The following DAPK1 variants were observed in gnomAD, a reference collection of about 807,000 sequenced individuals.
DAPK1 encodes the protein death-associated protein kinase 1.
In DAPK1, 56 loss-of-function variants were observed where a neutral mutation model predicts 144.9. The ratio of observed to expected loss-of-function variants is 0.39; its 90% CI spans 0.31 to 0.48. DAPK1 has a LOEUF of 0.48. DAPK1 is among the 20% of genes least tolerant of loss of function. The pLI is 0.95. For synonymous variants in DAPK1, 690 were observed against 749.0 expected (o/e 0.92, Z 1.29); for missense variants, 1,454 against 1,875.4 (o/e 0.78, Z 4.15).
At chr9:87,554,449 A>T (rs990675271) in intron 2 of DAPK1, 10 of 132,678 alleles carry the variant, frequency 7.5e-5, no homozygotes, top group Admixed American at 2.2e-4. Context: ...GTAATACTAA[A>T]AAAAAAAAAA....
At chr9:87,621,212 G>T (rs1449078405) in intron 3 of DAPK1, among the ~76,000 whole-genome samples, 1 of 152,170 alleles carries the variant, frequency 6.6e-6, no homozygotes, top group Non-Finnish European at 1.5e-5. Flanking sequence ...TTTGAGTGCT[G>T]GGGTAAATGG....
At chr9:87,643,504 A>G in intron 11 of DAPK1, 36 bp downstream of exon 11, 1 of 1,122,008 alleles carries the variant, frequency 8.9e-7, no homozygotes, top group Non-Finnish European at 1.3e-6. Context: ...CTCCTTTCTT[A>G]GCACTGGGTA....
At position 87,499,119 on chromosome 9, in the gene DAPK1, C is replaced by T. The variant is rs1177846603; in HGVS notation, c.42C>T (p.Asp14=). The stretch of plus-strand genomic sequence containing the variant: ...AGGAAAACGTGGATGATTACTACGA[C>T]ACCGGCGAGGAACTTGGCAGGTAAA... ...FRQENVDDYY[D]TGEELGSGQF... Residue 14 remains aspartate, a synonymous_variant, in exon 2 of 26, where the codon GAC becomes GAT. Transcript: ENST00000408954. The T allele has an allele frequency of 3.7e-6, 6 of 1,613,896 alleles. No homozygotes were observed. Among genetic ancestry groups the T allele is most frequent in the South Asian group, 1.1e-5 (1 of 91,074 alleles).
chr9:87,649,122 A>G (rs1014152584), intron 15 of DAPK1, among the ~76,000 whole-genome samples: 7 of 152,194 alleles, frequency 4.6e-5, no homozygotes, highest in African/African-American at 7.2e-5. Flanking sequence ...GAACAGCCCT[A>G]TGAGGTGGAT....
In DAPK1 at chr9:87,572,582, G is replaced by A. The variant is rs899922618; in HGVS notation, c.63-32372G>A. ...GTCCTGGTGATAGTGAGTGAGTTTT[G>A]GTGAGACCTGGTTGCTGAAAAGTGT... On this transcript the variant is annotated intron_variant, in intron 2 of 25. Transcript: ENST00000408954. Among the ~76,000 whole-genome samples, 5 of 152,068 alleles carry A rather than the reference G, an allele frequency of 3.3e-5. No individual in the cohort carries two copies. In the South Asian group the frequency reaches 6.2e-4, roughly 19 times the overall value.
At chr9:87,517,313 T>G (rs561426163) in intron 2 of DAPK1, among the ~76,000 whole-genome samples, 1 of 151,876 alleles carries the variant, frequency 6.6e-6, no homozygotes, top group Non-Finnish European at 1.5e-5. Flanking sequence ...CTCGGTGGAC[T>G]GGGTTTATAA....
At chr9:87,557,966 C>T (rs1318002917) in intron 2 of DAPK1, among the ~76,000 whole-genome samples, 1 of 152,144 alleles carries the variant, frequency 6.6e-6, no homozygotes, top group Non-Finnish European at 1.5e-5. Flanking sequence ...AAAACAAAAA[C>T]CGAATCCTTT....
chr9:87,635,696 A>G (rs1366664708), intron 3 of DAPK1, among the ~76,000 whole-genome samples: 2 of 152,172 alleles, frequency 1.3e-5, no homozygotes, highest in South Asian at 4.1e-4. Flanking sequence ...ACACATGTCT[A>G]TTACCTTTCA....
At chr9:87,640,275 A>G (rs750360507) in intron 7 of DAPK1, 23 bp from the exon 8 acceptor site, 6 of 1,607,072 alleles carry the variant, frequency 3.7e-6, no homozygotes, top group South Asian at 2.2e-5. Flanking sequence ...TTAATGTTCT[A>G]TGCCCAACTT....
chr9:87,632,904 G>GAGTATA (rs141073030), intron 3 of DAPK1: 1 of 714,498 alleles, frequency 1.4e-6, no homozygotes, highest in East Asian at 1.6e-4. Context: ...AGGAGGATGA[G>GAGTATA]TATATATATA....
chr9:87,538,767 A>T (rs974093237), intron 2 of DAPK1, among the ~76,000 whole-genome samples: 3 of 152,116 alleles, frequency 2.0e-5, no homozygotes, highest in African/African-American at 7.2e-5. Flanking sequence ...GTTACTTGTA[A>T]CTTAAAAAAT....
intron 2 of DAPK1, among the ~76,000 whole-genome samples, chr9:87,572,621 C>G (rs1376263868): frequency 7.2e-5 from 11 of 152,070 alleles, no homozygotes; most frequent in Non-Finnish European, 1.5e-4. Flanking sequence ...GTTCCTCCCC[C>G]TCACCTTGCT....
At chr9:87,584,663 A>ATT (rs1292492349) in intron 2 of DAPK1, among the ~76,000 whole-genome samples, 1 of 60,222 alleles carries the variant, frequency 1.7e-5, no homozygotes, top group Non-Finnish European at 3.2e-5. Context: ...ATGATAGCTC[A>ATT]TTGTGTGTGT....
intron 1 of DAPK1, 87 bp from the exon 2 acceptor site, chr9:87,498,883 C>G (rs567180719): frequency 1.9e-6 from 1 of 526,312 alleles, no homozygotes; most frequent in African/African-American, 1.9e-5. Flanking sequence ...CGGTCTTCAG[C>G]GAGCGGGGTC....
chr9:87,585,748 C>T (rs1199230840), intron 2 of DAPK1, among the ~76,000 whole-genome samples: 1 of 152,212 alleles, frequency 6.6e-6, no homozygotes, highest in African/African-American at 2.4e-5. Context: ...TGCTGTTTGA[C>T]ATGACAGCCA....
chr9:87,695,410 C>T (rs1332538646), intron 21 of DAPK1, among the ~76,000 whole-genome samples: 1 of 152,180 alleles, frequency 6.6e-6, no homozygotes, highest in East Asian at 1.9e-4. Flanking sequence ...GCCCCAGAGG[C>T]CAGTGGTGGG....
At chr9:87,664,143 C>G (rs564461550) in intron 18 of DAPK1, among the ~76,000 whole-genome samples, 66 of 152,258 alleles carry the variant, frequency 4.3e-4, no homozygotes, top group African/African-American at 1.5e-3. Context: ...TCACCTCCAC[C>G]TGGGGCTCCT....
At chr9:87,601,569 T>C (rs1392287884) in intron 2 of DAPK1, among the ~76,000 whole-genome samples, 2 of 152,068 alleles carry the variant, frequency 1.3e-5, no homozygotes, top group African/African-American at 2.4e-5. Flanking sequence ...AGGTAGGTAC[T>C]TGGGGGGTAA....
chr9:87,519,521 G>T (rs1339300070), intron 2 of DAPK1, among the ~76,000 whole-genome samples: 2 of 151,306 alleles, frequency 1.3e-5, no homozygotes, highest in African/African-American at 2.4e-5. Flanking sequence ...GGAGTGTCTG[G>T]CTGATCATGT....
Sources: gnomAD v4.1 joint callset for allele counts (sites outside exome capture counted in the v4.1 genomes callset) on GRCh38, gnomAD v4.1.1 for gene constraint, MANE v1.5 for transcripts, NCBI Gene and HGNC (gene_info 2026-07-23, HGNC 2026-07-21) for gene names.